The following EZR variants were observed in gnomAD, a reference collection of about 807,000 sequenced individuals.
The protein encoded by EZR is ezrin.
Under a neutral mutation model 74.8 loss-of-function variants are expected in EZR, and 40 were observed. That is an observed-to-expected ratio of 0.53 (90% CI 0.42 to 0.70). The LOEUF is 0.70. Ranked by LOEUF, EZR falls within the 30% of genes least tolerant of loss-of-function variation. The probability of loss-of-function intolerance (pLI) is 0.00; values close to 1 mark genes in which losing one functional copy is unlikely to be tolerated. For missense variants in EZR, 678 were observed against 755.8 expected, an observed-to-expected ratio of 0.90 and a Z score of 1.21; for synonymous variants, 341 against 283.3, an observed-to-expected ratio of 1.20 and a Z score of -2.05.
intron 12 of EZR, 143 bp downstream of exon 12, chr6:158,769,183 A>G (rs896077410): frequency 1.5e-5 from 10 of 648,536 alleles, no homozygotes; most frequent in Non-Finnish European, 2.7e-5. Flanking sequence ...GAGGATCATG[A>G]GACATCCCAG....
intron 2 of EZR, among the ~76,000 whole-genome samples, chr6:158,794,282 C>T (rs1777010375): frequency 6.6e-6 from 1 of 152,110 alleles, no homozygotes; most frequent in African/African-American, 2.4e-5. Flanking sequence ...CTCAAAACCA[C>T]CACAACCACC....
chr6:158,801,648 C>T (rs1397122356), intron 2 of EZR, among the ~76,000 whole-genome samples: 1 of 152,010 alleles, frequency 6.6e-6, no homozygotes, highest in Non-Finnish European at 1.5e-5. Context: ...TCTTTTACTG[C>T]CTGAGTAATA....
chr6:158,770,824 T>C lies in EZR; in HGVS notation c.1030A>G (p.Lys344Glu), dbSNP rs370369131. The C allele has an allele frequency of 8.7e-6, 14 of 1,614,214 alleles. No individual in the cohort carries two copies. Among genetic ancestry groups the C allele is most frequent in the East Asian group, 6.7e-5 (3 of 44,888 alleles). The change falls in exon 10 of 14, where the codon AAG (lysine) becomes GAG (glutamate). Residue 344 changes from lysine to glutamate, a missense_variant. Physicochemically the swap from Lys to Glu is moderately conservative, Grantham distance 56. This residue lies in a region of EZR where 342 missense variants were observed against 341.2 expected (regional missense o/e 1.00). Coordinates refer to ENST00000367075, the MANE Select transcript of EZR (RefSeq NM_001111077.2). ...TGCAGCCGCAGCATCAACTCCTCCT[T>C]CTCGCGCATCATCTGCTCTTTCTCT... ...EREKEQMMREKEELMLRLQDY... is the reference protein window; with the variant it reads ...EREKEQMMREEEELMLRLQDY...
intron 12 of EZR, 83 bp downstream of exon 12, chr6:158,769,243 A>AC: frequency 1.7e-6 from 2 of 1,204,014 alleles, no homozygotes; most frequent in Admixed American, 1.9e-5. Context: ...CCCCCAACCC[A>AC]CCCACCTGCA....
At chr6:158,805,206 G>A (rs1777307918) in intron 2 of EZR, among the ~76,000 whole-genome samples, 1 of 151,908 alleles carries the variant, frequency 6.6e-6, no homozygotes, top group Admixed American at 6.6e-5. Context: ...GGGCATGGTG[G>A]CGTGTGCCTG....
intron 7 of EZR, among the ~76,000 whole-genome samples, chr6:158,780,528 T>C (rs1310550918): frequency 1.3e-5 from 2 of 152,096 alleles, no homozygotes; most frequent in Admixed American, 1.3e-4. Context: ...CCGCAAGGAA[T>C]TTAAAGAAGA....
In EZR at chr6:158,765,894, AG is replaced by A. The variant is rs1275122617; in HGVS notation, c.*1019del. 2.0e-5 allele frequency: 3 copies of A among 146,630 alleles called. No homozygotes were observed. Among genetic ancestry groups the A allele is most frequent in the Non-Finnish European group, 4.6e-5 (3 of 65,878 alleles). The allele number at this position is 146,630 out of a possible 1,614,324, so 9.1% of individuals were successfully genotyped here. A position where few individuals can be genotyped will look rare whatever the true frequency, so the allele number is the denominator to read the frequency against. On this transcript the variant is annotated 3_prime_UTR_variant, in exon 14 of 14. Coordinates refer to ENST00000367075, the MANE Select transcript of EZR (RefSeq NM_001111077.2). ...CAAGCTGCCTTCCAGCAGCCTGCCA[AG>A]GCCATGGCAGAGAGAGACTGCAAAC...
At chr6:158,786,014 G>A (rs1315104883) in intron 4 of EZR, among the ~76,000 whole-genome samples, 1 of 151,970 alleles carries the variant, frequency 6.6e-6, no homozygotes, top group Non-Finnish European at 1.5e-5. Context: ...TGGCGCCACT[G>A]CACTCCAGCC....
chr6:158,783,786 CTGCG>C, intron 6 of EZR, 120 bp from the exon 7 acceptor site: 1 of 1,113,900 alleles, frequency 9.0e-7, no homozygotes, highest in Non-Finnish European at 1.3e-6. Flanking sequence ...ATGCTGTGTG[CTGCG>C]TGCAGGCAGG....
At chr6:158,784,205 C>T (rs1244395153) in intron 6 of EZR, among the ~76,000 whole-genome samples, 2 of 152,220 alleles carry the variant, frequency 1.3e-5, no homozygotes, top group African/African-American at 4.8e-5. Context: ...CCATGTCTTA[C>T]ATTAACAGCC....
At chr6:158,786,771 C>T (rs1791593250) in intron 4 of EZR, among the ~76,000 whole-genome samples, 1 of 152,188 alleles carries the variant, frequency 6.6e-6, no homozygotes, top group African/African-American at 2.4e-5. Context: ...GATAATCTGT[C>T]ACAGGTTCAA....
At chr6:158,770,127 TTCC>T (rs1473150990) in intron 10 of EZR, among the ~76,000 whole-genome samples, 183 bp from the exon 11 acceptor site, 2 of 152,186 alleles carry the variant, frequency 1.3e-5, no homozygotes, top group Non-Finnish European at 2.9e-5. Context: ...CCATGACAAC[TTCC>T]TCAAGATGGC....
chr6:158,810,589 G>A (rs766826900), intron 2 of EZR, among the ~76,000 whole-genome samples: 75 of 152,114 alleles, frequency 4.9e-4, no homozygotes, highest in Admixed American at 8.5e-4. Flanking sequence ...GACTGATAAG[G>A]GAATTCCGAC....
intron 1 of EZR, 25 bp from the exon 2 acceptor site, chr6:158,818,191 A>C: frequency 7.4e-7 from 1 of 1,356,524 alleles, no homozygotes. Flanking sequence ...GAACCCTTAG[A>C]GCGCCCGCCC....
chr6:158,788,968 G>A, intron 3 of EZR, among the ~76,000 whole-genome samples: 1 of 152,100 alleles, frequency 6.6e-6, no homozygotes, highest in East Asian at 1.9e-4. Context: ...ACACAGGCCA[G>A]CACCTCCTTA....
In EZR at chr6:158,767,272, G is replaced by A. The variant is rs369354383; in HGVS notation, c.1585C>T (p.Arg529Trp). 84 of 1,612,632 alleles carry A rather than the reference G, an allele frequency of 5.2e-5. No homozygotes were observed. Among genetic ancestry groups the A allele is most frequent in the African/African-American group, 1.5e-4 (11 of 74,926 alleles). Reference protein sequence around the residue: ...TEAEKNERVQRQLLTLSSELS... With the variant: ...TEAEKNERVQWQLLTLSSELS... ...CCCTTGGGCCTCACCAGCAGCTGCC[G>A]CTGCACACGCTCGTTCTTCTCTGCC... The change falls in exon 13 of 14, where the codon CGG (arginine) becomes TGG (tryptophan). Residue 529 changes from arginine (R) to tryptophan (W), a missense_variant. Physicochemically the swap from Arg to Trp is moderately radical, Grantham distance 101. Coordinates refer to ENST00000367075, the MANE Select transcript of EZR (RefSeq NM_001111077.2).
intron 2 of EZR, among the ~76,000 whole-genome samples, chr6:158,794,452 T>C (rs1777023879): frequency 6.6e-6 from 1 of 152,248 alleles, no homozygotes; most frequent in African/African-American, 2.4e-5. Flanking sequence ...GAATGCCAAC[T>C]GGTTCTTGTA....
In EZR at chr6:158,787,132, A is replaced by C. The variant is rs780911028; in HGVS notation, c.168T>G (p.Pro56=). 3 of 1,613,540 alleles carry C rather than the reference A, an allele frequency of 1.9e-6. No individual in the cohort carries two copies. Among genetic ancestry groups the C allele is most frequent in the Non-Finnish European group, 2.5e-6 (3 of 1,179,458 alleles). ...GLHYVDNKGF[P]TWLKLDKKVS... ...CCTTCTTATCCAGCTTCAGCCAGGT[A>C]GGAAATCCTTTATTATCCACATAGT... The change falls in exon 4 of 14, where the codon CCT becomes CCG. Residue 56 remains proline, a synonymous_variant. Transcript: ENST00000367075.
At chr6:158,811,669 G>T (rs375973562) in intron 2 of EZR, among the ~76,000 whole-genome samples, 2 of 152,110 alleles carry the variant, frequency 1.3e-5, no homozygotes, top group African/African-American at 2.4e-5. Context: ...GAGACTAGCC[G>T]CCTGGGCCAC....
Sources: gnomAD v4.1 joint callset for allele counts (sites outside exome capture counted in the v4.1 genomes callset) on GRCh38, gnomAD v4.1.1 for gene constraint, gnomAD v4.1.1 regional missense constraint, MANE v1.5 for transcripts, NCBI Gene and HGNC (gene_info 2026-07-23, HGNC 2026-07-21) for gene names.